The following IL12RB2 variants were observed in gnomAD, a reference collection of about 807,000 sequenced individuals.
IL12RB2 encodes the protein interleukin 12 receptor subunit beta 2, also known as interleukin-12 receptor subunit beta-2.
IL12RB2 carries 82 observed loss-of-function variants against 89.4 expected under a neutral mutation model. That is an observed-to-expected ratio of 0.92 (90% CI 0.77 to 1.10). IL12RB2 has a LOEUF of 1.10. Among genes scored for constraint, IL12RB2 ranks in the 50% least tolerant of loss-of-function variants. The probability of loss-of-function intolerance (pLI) is 0.00; values close to 1 mark genes in which losing one functional copy is unlikely to be tolerated. For synonymous variants in IL12RB2, 368 were observed against 370.1 expected, an observed-to-expected ratio of 0.99 and a Z score of 0.07; for missense variants, 963 against 1,031.9, an observed-to-expected ratio of 0.93 and a Z score of 0.92.
intron 10 of IL12RB2, among the ~76,000 whole-genome samples, chr1:67,359,318 T>C (rs1184154493): frequency 6.6e-6 from 1 of 152,178 alleles, no homozygotes; most frequent in East Asian, 1.9e-4. Context: ...AATTTAACTT[T>C]GGTATTAAAA....
Position 67,386,686 on chromosome 1 carries a change from T to C in IL12RB2, c.1946+17T>C, listed in dbSNP as rs767515102. On this transcript the variant is annotated intron_variant, in intron 15 of 16. Transcript: ENST00000674203. Reference sequence around the variant, plus strand: ...CCAGCAAAAGTGAGTTGGTTACACCTACCAAGTGGGTAAATGAGGCTTTTA... The same window carrying C: ...CCAGCAAAAGTGAGTTGGTTACACCCACCAAGTGGGTAAATGAGGCTTTTA... The C allele has an allele frequency of 4.7e-6, 7 of 1,505,000 alleles. No individual in the cohort carries two copies. The South Asian group carries it at 6.7e-5, about 15-fold the overall frequency. The allele number at this position is 1,505,000 out of a possible 1,614,324, so 93.2% of individuals were successfully genotyped here.
chr1:67,317,911 C>A (rs1442368341), intron 2 of IL12RB2, among the ~76,000 whole-genome samples: 1 of 152,068 alleles, frequency 6.6e-6, no homozygotes, highest in East Asian at 1.9e-4. Context: ...AGGAATAAGG[C>A]AGTTACAGAT....
chr1:67,380,448 C>A (rs1486230916), intron 14 of IL12RB2, among the ~76,000 whole-genome samples: 1 of 152,196 alleles, frequency 6.6e-6, no homozygotes, highest in Non-Finnish European at 1.5e-5. Context: ...TATCTGTTTA[C>A]CTCTGTCTTC....
At position 67,321,849 on chromosome 1, in the gene IL12RB2, T is replaced by A. The variant is rs1056124121; in HGVS notation, c.324T>A (p.Ser108Arg). Residue 108 changes from serine (S) to arginine (R), a missense_variant, in exon 4 of 17, where the codon AGT becomes AGA. Ser to Arg is a moderately radical substitution (Grantham distance 110, BLOSUM62 -1). Transcript: ENST00000674203. Reference protein sequence around the residue: ...LFVCKLACINSDEIQICGAEI... With the variant: ...LFVCKLACINRDEIQICGAEI... ...TCTGCAAACTGGCCTGTATCAATAG[T>A]GATGAAATTCAAATATGTGGAGCAG... is the stretch of plus-strand genomic sequence containing the variant. The A allele has an allele frequency of 1.2e-6, 2 of 1,613,998 alleles. No homozygotes were observed. Among genetic ancestry groups the A allele is most frequent in the South Asian group, 2.2e-5 (2 of 91,076 alleles).
rs184845637 is a variant in IL12RB2 at position 67,381,494 on chromosome 1, T to C, written c.1855+1371T>C. Among the ~76,000 whole-genome samples the C allele has an allele frequency of 3.8e-3, 572 of 152,278 alleles. 3 individuals carry two copies. The highest frequency in any genetic ancestry group is 0.013 in the African/African-American group (554 of 41,562). Reference sequence around the variant, plus strand: ...AAAGTTAACTTGCAGCTGGGCACGGTAGCTCGTGCCTGTAATCCCAGGACT... The same window carrying C: ...AAAGTTAACTTGCAGCTGGGCACGGCAGCTCGTGCCTGTAATCCCAGGACT... On this transcript the variant is annotated intron_variant, in intron 14 of 16. Transcript: ENST00000674203.
intron 9 of IL12RB2, among the ~76,000 whole-genome samples, chr1:67,343,310 G>T (rs1286382982): frequency 6.6e-6 from 1 of 152,192 alleles, no homozygotes; most frequent in African/African-American, 2.4e-5. Context: ...ACAGACTCCT[G>T]GGTTCAAGTG....
rs760887835 is a variant in IL12RB2, at chr1:67,321,848, G to T, written c.323G>T (p.Ser108Ile). Residue 108 changes from serine (S) to isoleucine (I), a missense_variant, in exon 4 of 17, where the codon AGT (serine) becomes ATT (isoleucine). Ser to Ile is a moderately radical substitution (Grantham distance 142). Coordinates refer to ENST00000674203, the MANE Select transcript of IL12RB2 (RefSeq NM_001374259.2). ...GTCTGCAAACTGGCCTGTATCAATA[G>T]TGATGAAATTCAAATATGTGGAGCA... ...LFVCKLACIN[S>I]DEIQICGAEI... 4 of 1,613,920 alleles carry T rather than the reference G, an allele frequency of 2.5e-6. No individual in the cohort carries two copies. In the South Asian group the frequency reaches 3.3e-5, roughly 13 times the overall value.
intron 11 of IL12RB2, among the ~76,000 whole-genome samples, chr1:67,369,857 A>G (rs2100996714): frequency 6.6e-6 from 1 of 152,260 alleles, no homozygotes; most frequent in Admixed American, 6.5e-5. Context: ...CCCCATCCCT[A>G]CTAAAAATAC....
In IL12RB2 at chr1:67,372,423, C is replaced by T; in HGVS notation, c.1460-13C>T. ...ATGGCACGGCTGTTATGGGAATTCC[C>T]TTTTCCTTGCAGAGAACATAAAATC... On this transcript the variant is annotated splice_polypyrimidine_tract_variant and intron_variant, in intron 11 of 16. Coordinates refer to ENST00000674203, the MANE Select transcript of IL12RB2 (RefSeq NM_001374259.2). 6.9e-7 allele frequency: 1 copy of T among 1,440,212 alleles called. No homozygotes were observed. The highest frequency in any genetic ancestry group is 1.7e-5 in the Admixed American group (1 of 59,824). The allele number at this position is 1,440,212 out of a possible 1,614,324, so 89.2% of individuals were successfully genotyped here. A position where few individuals can be genotyped will look rare whatever the true frequency, so the allele number is the denominator to read the frequency against.
intron 11 of IL12RB2, among the ~76,000 whole-genome samples, chr1:67,371,956 A>C (rs1034784899): frequency 6.6e-6 from 1 of 152,240 alleles, no homozygotes; most frequent in African/African-American, 2.4e-5. Context: ...CTATGCCTGC[A>C]AAATTCCAGC....
At chr1:67,368,090 G>T in intron 11 of IL12RB2, 65 bp downstream of exon 11, 1 of 1,057,884 alleles carries the variant, frequency 9.5e-7, no homozygotes, top group East Asian at 2.4e-5. Flanking sequence ...GGAAACTGCA[G>T]GCAAGAGCCA....
intron 13 of IL12RB2, among the ~76,000 whole-genome samples, chr1:67,377,282 C>T (rs1664085518): frequency 6.6e-6 from 1 of 152,156 alleles, no homozygotes; most frequent in Non-Finnish European, 1.5e-5. Context: ...GAAATAAATT[C>T]AGCATGCAAG....
At chr1:67,372,821 T>C (rs1467993162) in intron 13 of IL12RB2, 38 bp downstream of exon 13, 41 of 1,456,058 alleles carry the variant, frequency 2.8e-5, no homozygotes, top group Non-Finnish European at 3.8e-5. Context: ...TGGGGCCTTC[T>C]TGTTTGGATG....
intron 10 of IL12RB2, among the ~76,000 whole-genome samples, chr1:67,353,955 G>A (rs1259321405): frequency 6.6e-6 from 1 of 152,138 alleles, no homozygotes; most frequent in African/African-American, 2.4e-5. Context: ...CATTATGTTA[G>A]AGTTCATTTC....
chr1:67,341,925 C>G lies in IL12RB2; in HGVS notation c.1038+3222C>G, dbSNP rs544165219. ...GGATTTAACTGTCATGTAGTCTCACCCCACAGTTTAAAACATGGAAACTGA... is the reference window on the plus strand; with the variant it reads ...GGATTTAACTGTCATGTAGTCTCACGCCACAGTTTAAAACATGGAAACTGA... On this transcript the variant is annotated intron_variant, in intron 9 of 16. Coordinates refer to ENST00000674203, the MANE Select transcript of IL12RB2 (RefSeq NM_001374259.2). 5.3e-5 allele frequency among the ~76,000 whole-genome samples: 8 copies of G among 151,020 alleles called. No homozygotes were observed. The East Asian group carries it at 1.6e-3, about 30-fold the overall frequency.
chr1:67,327,420 G>A (rs550557828), intron 5 of IL12RB2, among the ~76,000 whole-genome samples: 60 of 152,262 alleles, frequency 3.9e-4, no homozygotes, highest in African/African-American at 1.4e-3. Flanking sequence ...GTTCTCTTCA[G>A]TGCATCCAAG....
intron 10 of IL12RB2, among the ~76,000 whole-genome samples, chr1:67,367,516 GGGGA>G (rs1266335185): frequency 6.9e-6 from 1 of 145,046 alleles, no homozygotes; most frequent in Non-Finnish European, 1.5e-5. Flanking sequence ...AGGAAGGAAG[GGGGA>G]GGGAGGGAGG....
Position 67,384,522 on chromosome 1 carries a change from T to C in IL12RB2, c.1856-2057T>C, listed in dbSNP as rs533883651. Reference sequence around the variant, plus strand: ...AGGTTCCTAACATGCTCAGGAGATATTTTCCCCATTGTCTTGGTAATTAAC... The same window carrying C: ...AGGTTCCTAACATGCTCAGGAGATACTTTCCCCATTGTCTTGGTAATTAAC... On this transcript the variant is annotated intron_variant, in intron 14 of 16. Transcript: ENST00000674203. Among the ~76,000 whole-genome samples, 28 of 152,316 alleles carry C rather than the reference T, an allele frequency of 1.8e-4. No individual in the cohort carries two copies. In the South Asian group the frequency reaches 5.8e-3, roughly 32 times the overall value.
At chr1:67,332,999 G>A (rs74080471) in intron 8 of IL12RB2, among the ~76,000 whole-genome samples, 63 of 152,274 alleles carry the variant, frequency 4.1e-4, no homozygotes, top group African/African-American at 1.4e-3. Context: ...TCATAACAAT[G>A]AGTATAGCAA....
Sources: allele counts gnomAD v4.1 joint callset (sites outside exome capture counted in the v4.1 genomes callset), GRCh38; gene constraint gnomAD v4.1.1; transcripts MANE v1.5; gene names NCBI Gene and HGNC (gene_info 2026-07-23, HGNC 2026-07-21).